Variants in TMEM232 observed in about 807,000 individuals in gnomAD.
TMEM232 encodes the protein transmembrane protein 232.
TMEM232 carries 80 observed loss-of-function variants against 78.8 expected under a neutral mutation model. The observed-to-expected ratio is 1.01, with a 90% CI of 0.85 to 1.22. The LOEUF is 1.22. Among genes scored for constraint, TMEM232 ranks in the 50% most tolerant of loss-of-function variants. The probability of loss-of-function intolerance (pLI) is 0.00; values close to 1 mark genes in which losing one functional copy is unlikely to be tolerated. For synonymous variants in TMEM232, 297 were observed against 254.3 expected (o/e 1.17, Z -1.60); for missense variants, 881 against 742.2 (o/e 1.19, Z -2.17).
intron 10 of TMEM232, among the ~76,000 whole-genome samples, chr5:110,577,953 A>G (rs1777758784): frequency 6.6e-6 from 1 of 151,952 alleles, no homozygotes; most frequent in African/African-American, 2.4e-5. Context: ...CTGGGTGATA[A>G]AATAATCTGT....
chr5:110,704,479 T>C (rs1021005554), intron 1 of TMEM232, among the ~76,000 whole-genome samples: 3 of 152,124 alleles, frequency 2.0e-5, no homozygotes, highest in African/African-American at 7.2e-5. Context: ...ACCAGGTCTG[T>C]ACTCATGTCA....
intron 12 of TMEM232, among the ~76,000 whole-genome samples, chr5:110,459,494 A>T (rs956366113): frequency 6.6e-6 from 1 of 152,164 alleles, no homozygotes; most frequent in Non-Finnish European, 1.5e-5. Context: ...CATCCAAATT[A>T]AAAAATGAAA....
chr5:110,658,905 T>C (rs6594469), intron 2 of TMEM232, among the ~76,000 whole-genome samples: 121,264 of 152,092 alleles, frequency 0.8, 49,665 homozygotes, highest in East Asian at 0.93. Context: ...ACCATGCATA[T>C]AAATTTCTTT....
intron 5 of TMEM232, among the ~76,000 whole-genome samples, chr5:110,632,686 G>T (rs1340748119): frequency 6.6e-6 from 1 of 151,814 alleles, no homozygotes; most frequent in Non-Finnish European, 1.5e-5. Context: ...CATGTCTTTT[G>T]ATATAACTTG....
chr5:110,702,192 C>T (rs948097225), intron 1 of TMEM232, among the ~76,000 whole-genome samples: 5 of 152,032 alleles, frequency 3.3e-5, no homozygotes, highest in Admixed American at 3.3e-4. Flanking sequence ...TACAATAGCC[C>T]CTGTTTTGGG....
intron 12 of TMEM232, among the ~76,000 whole-genome samples, chr5:110,466,249 C>G (rs986977726): frequency 6.6e-6 from 1 of 152,088 alleles, no homozygotes; most frequent in Non-Finnish European, 1.5e-5. Flanking sequence ...TCACATAAAC[C>G]AAATTTTTGA....
chr5:110,523,284 T>C (rs566264528), intron 12 of TMEM232, among the ~76,000 whole-genome samples: 62 of 152,242 alleles, frequency 4.1e-4, no homozygotes, highest in African/African-American at 1.4e-3. Context: ...TTTCATCTTC[T>C]CTCCCTTTTC....
intron 1 of TMEM232, among the ~76,000 whole-genome samples, chr5:110,721,174 T>C (rs971770669): frequency 1.3e-5 from 2 of 152,132 alleles, no homozygotes; most frequent in Non-Finnish European, 2.9e-5. Context: ...AATAACCTCC[T>C]GAATGTAAAA....
chr5:110,685,200 T>C (rs954583929), intron 1 of TMEM232, among the ~76,000 whole-genome samples: 1 of 152,168 alleles, frequency 6.6e-6, no homozygotes, highest in Non-Finnish European at 1.5e-5. Context: ...TAAAAACTTA[T>C]GATGTGCAAG....
intron 2 of TMEM232, among the ~76,000 whole-genome samples, chr5:110,662,431 C>T (rs1209347170): frequency 6.6e-6 from 1 of 152,022 alleles, no homozygotes; most frequent in South Asian, 2.1e-4. Flanking sequence ...GATGTTGTTT[C>T]TCCAAATTGA....
chr5:110,448,235 A>G lies in TMEM232; in HGVS notation c.1704-23319T>C, dbSNP rs984549303. 2.6e-5 allele frequency among the ~76,000 whole-genome samples: 4 copies of G among 152,196 alleles called. No homozygotes were observed. The East Asian group carries it at 7.7e-4, about 29-fold the overall frequency. ...AATTTTTGCTCCCAAGAAATTTTAG[A>G]TTTTCAAGAACTTAGAATAAATTAC... On this transcript the variant is annotated intron_variant, in intron 12 of 13. Transcript: ENST00000455884.
chr5:110,646,427 TAC>T (rs1224206576), intron 2 of TMEM232, among the ~76,000 whole-genome samples: 19 of 151,906 alleles, frequency 1.3e-4, no homozygotes, highest in African/African-American at 4.6e-4. Flanking sequence ...TCCATATATC[TAC>T]AGTCAACTGA....
intron 1 of TMEM232, among the ~76,000 whole-genome samples, chr5:110,701,225 T>G (rs1795409831): frequency 6.6e-6 from 1 of 151,980 alleles, no homozygotes; most frequent in African/African-American, 2.4e-5. Flanking sequence ...GAAAAAGAAC[T>G]TGATGATTTG....
intron 12 of TMEM232, among the ~76,000 whole-genome samples, chr5:110,443,762 G>C (rs765433953): frequency 3.3e-5 from 5 of 152,114 alleles, no homozygotes; most frequent in Non-Finnish European, 7.4e-5. Flanking sequence ...TATCACTACT[G>C]GTTATTCAGG....
intron 1 of TMEM232, among the ~76,000 whole-genome samples, chr5:110,717,568 C>A (rs1431794158): frequency 6.6e-6 from 1 of 152,080 alleles, no homozygotes; most frequent in East Asian, 1.9e-4. Context: ...CGATTTAAGT[C>A]ATTGTGTTTA....
intron 2 of TMEM232, among the ~76,000 whole-genome samples, chr5:110,660,286 T>C (rs1366435054): frequency 1.3e-5 from 2 of 151,972 alleles, no homozygotes; most frequent in Non-Finnish European, 2.9e-5. Context: ...AACAATATTC[T>C]AGAGGAAAAA....
chr5:110,479,526 T>G (rs1763630630), intron 12 of TMEM232, among the ~76,000 whole-genome samples: 8 of 151,904 alleles, frequency 5.3e-5, no homozygotes. Context: ...TTTTTTAACT[T>G]TATACAAACT....
At chr5:110,642,946 T>C (rs1161616777) in intron 2 of TMEM232, among the ~76,000 whole-genome samples, 1 of 152,076 alleles carries the variant, frequency 6.6e-6, no homozygotes, top group Non-Finnish European at 1.5e-5. Flanking sequence ...TCTCCAATGC[T>C]ATACTGAGAA....
chr5:110,408,925 T>G (rs1302999271), intron 2 of TMEM232, among the ~76,000 whole-genome samples: 1 of 152,130 alleles, frequency 6.6e-6, no homozygotes, highest in Non-Finnish European at 1.5e-5. Flanking sequence ...AAGCCAAGCC[T>G]TCTGGGTAAC....
Sources: allele counts gnomAD v4.1 joint callset (sites outside exome capture counted in the v4.1 genomes callset), GRCh38; gene constraint gnomAD v4.1.1; transcripts MANE v1.5; gene names NCBI Gene and HGNC (gene_info 2026-07-23, HGNC 2026-07-21).